PPP1R36: variants seen among roughly 807,000 people sequenced by gnomAD.
PPP1R36 encodes the protein protein phosphatase 1 regulatory subunit 36, also known as chromosome 14 open reading frame 50.
A neutral mutation model predicts 53.4 loss-of-function variants in PPP1R36; 47 were observed. The observed-to-expected ratio is 0.88, with a 90% CI of 0.70 to 1.12. The LOEUF (loss-of-function observed/expected upper bound fraction) is 1.12. Among genes scored for constraint, PPP1R36 ranks in the 50% most tolerant of loss-of-function variants. PPP1R36 has a pLI of 0.00. For synonymous variants in PPP1R36, 153 were observed against 170.5 expected (o/e 0.90, Z 0.80); for missense variants, 456 against 513.9 (o/e 0.89, Z 1.09).
At chr14:64,551,041 G>GA (rs201958542) in intron 2 of PPP1R36, 56 bp downstream of exon 2, 59 of 1,182,436 alleles carry the variant, frequency 5.0e-5, no homozygotes, top group Admixed American at 1.9e-4. Flanking sequence ...GTGCCTGGGG[G>GA]AAAAAAAAGC....
intron 8 of PPP1R36, among the ~76,000 whole-genome samples, chr14:64,576,370 G>A (rs960402916): frequency 1.3e-5 from 2 of 151,998 alleles, no homozygotes; most frequent in African/African-American, 4.8e-5. Context: ...CATGAGCCAC[G>A]GCACTCCGCC....
At position 64,587,056 on chromosome 14, in the gene PPP1R36, T is replaced by C. The variant is rs1197042413; in HGVS notation, c.712-138T>C. 3 of 819,702 alleles carry C rather than the reference T, an allele frequency of 3.7e-6. No homozygotes were observed. In the Admixed American group the frequency reaches 8.4e-5, roughly 23 times the overall value. The allele number at this position is 819,702 out of a possible 1,614,324, so 50.8% of individuals were successfully genotyped here. ...TTCCTCATGCAAAAGTGAGTATGTG[T>C]ATAATTTTTCATTGTTTCAGGAATA... On this transcript the variant is annotated intron_variant, in intron 9 of 11. Transcript: ENST00000298705.
At chr14:64,585,146 G>A (rs927956906) in intron 8 of PPP1R36, among the ~76,000 whole-genome samples, 20 of 152,174 alleles carry the variant, frequency 1.3e-4, no homozygotes, top group African/African-American at 4.8e-4. Flanking sequence ...GACTGTGGGA[G>A]TTCAGGATGG....
At chr14:64,568,219 T>C (rs1164942919) in intron 6 of PPP1R36, 130 bp from the exon 7 acceptor site, 1 of 390,576 alleles carries the variant, frequency 2.6e-6, no homozygotes, top group Non-Finnish European at 4.5e-6. Flanking sequence ...AAATTAGTTC[T>C]TTGATAGGCA....
intron 7 of PPP1R36, among the ~76,000 whole-genome samples, chr14:64,571,141 T>TTTGC (rs2080300216): frequency 6.7e-6 from 1 of 148,820 alleles, no homozygotes; most frequent in Non-Finnish European, 1.5e-5. Context: ...TGTTTGTTTG[T>TTTGC]TTGAAACGGA....
intron 4 of PPP1R36, 56 bp from the exon 5 acceptor site, chr14:64,565,301 T>G: frequency 8.0e-7 from 1 of 1,250,222 alleles, no homozygotes. Context: ...CAGGATAGAT[T>G]AAATACAACT....
intron 2 of PPP1R36, chr14:64,551,643 C>A: frequency 2.2e-6 from 1 of 456,156 alleles, no homozygotes; most frequent in South Asian, 1.5e-5. Context: ...GATGAAGAAA[C>A]AAGGCTCAGG....
At position 64,589,163 on chromosome 14, in the gene PPP1R36, TG is replaced by T. The variant is rs2080463287; in HGVS notation, c.1099del (p.Glu367SerfsTer29). 1 of 1,611,408 alleles carries T rather than the reference TG, an allele frequency of 6.2e-7. No homozygotes were observed. The highest frequency in any genetic ancestry group is 1.7e-5 in the Admixed American group (1 of 59,200). ...DSVPMPVVGI[L>X]GEPRCLFNPH... Reference sequence around the variant, plus strand: ...AATTCTTTTCACAGAGTTGGCATCTTGGGGGAGCCTCGATGTCTATTCAACC... The same window carrying T: ...AATTCTTTTCACAGAGTTGGCATCTTGGGGAGCCTCGATGTCTATTCAACC... On this transcript the variant is annotated frameshift_variant, in exon 12 of 12. Transcript: ENST00000298705. LOFTEE classifies it low-confidence loss of function (END_TRUNC).
Position 64,552,866 on chromosome 14 carries a change from G to T in PPP1R36, c.182+5G>T. The T allele has an allele frequency of 6.2e-7, 1 of 1,611,688 alleles. No individual in the cohort carries two copies. The highest frequency in any genetic ancestry group is 8.5e-7 in the Non-Finnish European group (1 of 1,177,870). Reference sequence around the variant, plus strand: ...GCTCCTGAAACATCACCCTCAGTGAGTGTGAGACAGACAGTGAGATAGCTT... The same window carrying T: ...GCTCCTGAAACATCACCCTCAGTGATTGTGAGACAGACAGTGAGATAGCTT... On this transcript the variant is annotated splice_donor_5th_base_variant and intron_variant, in intron 3 of 11. Coordinates refer to ENST00000298705, the MANE Select transcript of PPP1R36 (RefSeq NM_172365.3).
chr14:64,563,159 C>T (rs1220033410), intron 3 of PPP1R36, among the ~76,000 whole-genome samples: 1 of 152,136 alleles, frequency 6.6e-6, no homozygotes, highest in Non-Finnish European at 1.5e-5. Context: ...AGCCACCGTG[C>T]CCGGCCTCAC....
chr14:64,566,199 C>T (rs552753501), intron 6 of PPP1R36, among the ~76,000 whole-genome samples: 17 of 152,112 alleles, frequency 1.1e-4, no homozygotes, highest in East Asian at 3.9e-4. Flanking sequence ...ACCTGGGTGG[C>T]GGAGGTTGCA....
Position 64,586,700 on chromosome 14 carries a change from C to T in PPP1R36, c.669-137C>T. 2 of 587,828 alleles carry T rather than the reference C, an allele frequency of 3.4e-6. 1 individual carries two copies. The highest frequency in any genetic ancestry group is 5.2e-5 in the South Asian group (2 of 38,780). 36.4% of individuals were successfully genotyped at this position (587,828 alleles called of 1,614,324 possible). On this transcript the variant is annotated intron_variant, in intron 8 of 11. Transcript: ENST00000298705. Reference sequence around the variant, plus strand: ...AAGTATTGAGACTCTTTATCAATGCCTTTTGATAGCATTTGTGTAGCTGAA... The same window carrying T: ...AAGTATTGAGACTCTTTATCAATGCTTTTTGATAGCATTTGTGTAGCTGAA...
intron 7 of PPP1R36, among the ~76,000 whole-genome samples, chr14:64,571,666 C>T (rs565196056): frequency 3.7e-4 from 56 of 152,168 alleles, no homozygotes; most frequent in African/African-American, 1.2e-3. Context: ...AATACCTGAC[C>T]GTATTGCTGC....
intron 7 of PPP1R36, among the ~76,000 whole-genome samples, chr14:64,569,252 T>G (rs980294542): frequency 6.6e-6 from 1 of 152,288 alleles, no homozygotes; most frequent in South Asian, 2.1e-4. Flanking sequence ...CATGGAACTT[T>G]CCACACGCCA....
chr14:64,560,305 G>T (rs925580044), intron 3 of PPP1R36, among the ~76,000 whole-genome samples: 2 of 151,742 alleles, frequency 1.3e-5, no homozygotes, highest in Non-Finnish European at 2.9e-5. Context: ...AGCCAGGCAT[G>T]GTGGTGCACA....
intron 8 of PPP1R36, among the ~76,000 whole-genome samples, chr14:64,576,533 A>T (rs2080343316): frequency 6.6e-6 from 1 of 152,224 alleles, no homozygotes; most frequent in Non-Finnish European, 1.5e-5. Flanking sequence ...AGTTTCTCTC[A>T]GATGGAACTT....
intron 3 of PPP1R36, among the ~76,000 whole-genome samples, chr14:64,554,192 C>T (rs1219399381): frequency 8.7e-6 from 1 of 115,030 alleles, no homozygotes; most frequent in African/African-American, 3.5e-5. Flanking sequence ...TTTCTTGTGG[C>T]TCAGGCTGGA....
intron 7 of PPP1R36, among the ~76,000 whole-genome samples, chr14:64,569,907 T>C (rs1178897092): frequency 6.6e-6 from 1 of 151,780 alleles, no homozygotes; most frequent in Non-Finnish European, 1.5e-5. Context: ...CCCAGCTAAT[T>C]TTTATATTTT....
rs150458514 is a variant in PPP1R36, at chr14:64,575,258, G to T, written c.668+669G>T. ...AATAATTATTCCCCCCATAGGAAAA[G>T]AACCTAGTACATGATGTGTCTCTTT... is the stretch of plus-strand genomic sequence containing the variant. On this transcript the variant is annotated intron_variant, in intron 8 of 11. Coordinates refer to ENST00000298705, the MANE Select transcript of PPP1R36 (RefSeq NM_172365.3). 1.5e-3 allele frequency among the ~76,000 whole-genome samples: 226 copies of T among 152,234 alleles called. 1 individual carries two copies. Among genetic ancestry groups the T allele is most frequent in the African/African-American group, 5.1e-3 (212 of 41,524 alleles).
Sources: allele counts gnomAD v4.1 joint callset (sites outside exome capture counted in the v4.1 genomes callset), GRCh38; gene constraint gnomAD v4.1.1; transcripts MANE v1.5; gene names NCBI Gene and HGNC (gene_info 2026-07-23, HGNC 2026-07-21).